The following ATP2C1 variants were observed in gnomAD, a reference collection of about 807,000 sequenced individuals.
ATP2C1 encodes the protein ATPase secretory pathway Ca2+ transporting 1, also known as calcium-transporting ATPase type 2C member 1.
A neutral mutation model predicts 120.5 loss-of-function variants in ATP2C1; 31 were observed. That is an observed-to-expected ratio of 0.26 (90% confidence interval 0.19 to 0.35). The LOEUF is 0.35. Among genes scored for constraint, ATP2C1 ranks in the 10% least tolerant of loss-of-function variants. ATP2C1 has a pLI of 1.00. For synonymous variants in ATP2C1, 351 were observed against 358.7 expected, an observed-to-expected ratio of 0.98 and a Z score of 0.24; for missense variants, 731 against 1,107.5, an observed-to-expected ratio of 0.66 and a Z score of 4.83.
chr3:130,869,670 AC>A (rs1322703907), intron 1 of ATP2C1, among the ~76,000 whole-genome samples: 1 of 152,242 alleles, frequency 6.6e-6, no homozygotes, highest in Non-Finnish European at 1.5e-5. Flanking sequence ...ACAAGACCAA[AC>A]CAGGCATACC....
chr3:130,917,010 A>G (rs2058719240), intron 2 of ATP2C1, among the ~76,000 whole-genome samples: 2 of 152,238 alleles, frequency 1.3e-5, no homozygotes, highest in African/African-American at 4.8e-5. Context: ...GGTTTGACTT[A>G]GGATTTTTCA....
chr3:131,000,366 C>T (rs191400110), intron 27 of ATP2C1, among the ~76,000 whole-genome samples: 2 of 152,050 alleles, frequency 1.3e-5, no homozygotes, highest in Admixed American at 6.5e-5. Context: ...ATTTTAATTC[C>T]ATATTCACAT....
intron 18 of ATP2C1, among the ~76,000 whole-genome samples, chr3:130,977,317 T>A (rs1229162227): frequency 6.6e-6 from 1 of 152,190 alleles, no homozygotes; most frequent in East Asian, 1.9e-4. Flanking sequence ...ATTTATTTTT[T>A]AAAAAGACCG....
chr3:130,914,900 C>G (rs896477180), intron 2 of ATP2C1, among the ~76,000 whole-genome samples: 3 of 152,126 alleles, frequency 2.0e-5, no homozygotes, highest in Non-Finnish European at 4.4e-5. Context: ...TGAGAACCAT[C>G]TGGATATTCT....
At chr3:130,976,251 A>C (rs1166110583) in intron 18 of ATP2C1, among the ~76,000 whole-genome samples, 1 of 152,218 alleles carries the variant, frequency 6.6e-6, no homozygotes, top group African/African-American at 2.4e-5. Context: ...TCACTTAAGC[A>C]AAGGCTTTTT....
chr3:130,959,068 G>A (rs1452934480), intron 11 of ATP2C1, among the ~76,000 whole-genome samples: 1 of 152,102 alleles, frequency 6.6e-6, no homozygotes, highest in Non-Finnish European at 1.5e-5. Context: ...GTGCACACAT[G>A]TACGTATGTG....
At position 130,894,454 on chromosome 3, in the gene ATP2C1, G is replaced by A; in HGVS notation, c.-181+117G>A. On this transcript the variant is annotated intron_variant, in intron 1 of 27. Coordinates refer to ENST00000510168, the MANE Select transcript of ATP2C1 (RefSeq NM_001378687.1). This position sits in a 1 kb window ranked among gnomAD's most constrained non-coding sequence, Gnocchi z 4.5. ...ATCTCTAGGGCGCCGCCCCGCTGGC[G>A]TGAGCTGGGGACGTTGCGGGCACAC... The A allele has an allele frequency of 7.5e-7, 1 of 1,326,648 alleles. No individual in the cohort carries two copies. The highest frequency in any genetic ancestry group is 1.5e-5 in the African/African-American group (1 of 67,426). 82.2% of individuals were successfully genotyped at this position (1,326,648 alleles called of 1,614,324 possible). A position where few individuals can be genotyped will look rare whatever the true frequency, so the allele number is the denominator to read the frequency against.
At chr3:130,890,832 C>T (rs1309788174), upstream of ATP2C1, among the ~76,000 whole-genome samples, 2 of 151,178 alleles carry the variant, frequency 1.3e-5, no homozygotes, top group Admixed American at 6.6e-5. Context: ...TGTCCTTTAT[C>T]TTATAAGAAG....
chr3:130,929,472 A>G (rs187962522), intron 2 of ATP2C1, among the ~76,000 whole-genome samples: 3 of 152,332 alleles, frequency 2.0e-5, no homozygotes, highest in African/African-American at 7.2e-5. Context: ...TAAAAATGTT[A>G]ATTATCCAAG....
At chr3:130,880,148 C>T (rs1311181539) in intron 1 of ATP2C1, among the ~76,000 whole-genome samples, 2 of 152,154 alleles carry the variant, frequency 1.3e-5, no homozygotes, top group Admixed American at 6.5e-5. Flanking sequence ...TTACAGAGTT[C>T]CCTTTACTCA....
At chr3:130,980,488 C>A in intron 19 of ATP2C1, 94 bp from the exon 20 acceptor site, 1 of 852,172 alleles carries the variant, frequency 1.2e-6, no homozygotes, top group Non-Finnish European at 2.0e-6. Context: ...CAAAAGAGAA[C>A]AGATAACAAA....
downstream of ATP2C1, chr3:131,003,177 T>C (rs1379511799): frequency 1.0e-6 from 1 of 979,424 alleles, no homozygotes; most frequent in Non-Finnish European, 1.2e-6. Flanking sequence ...ACTATTAGCA[T>C]TAAAATTATC....
intron 2 of ATP2C1, chr3:130,918,155 G>T: frequency 2.1e-6 from 2 of 938,234 alleles, no homozygotes; most frequent in Non-Finnish European, 3.5e-6. Context: ...AGTTTAGAAA[G>T]ATTATCTGTG....
At chr3:130,958,598 T>C (rs2060683237) in intron 11 of ATP2C1, among the ~76,000 whole-genome samples, 1 of 152,176 alleles carries the variant, frequency 6.6e-6, no homozygotes, top group African/African-American at 2.4e-5. Flanking sequence ...AAACCTCTCG[T>C]GAATCTGTTT....
At chr3:130,879,717 G>A (rs2068722625) in intron 1 of ATP2C1, among the ~76,000 whole-genome samples, 1 of 152,044 alleles carries the variant, frequency 6.6e-6, no homozygotes, top group Non-Finnish European at 1.5e-5. Context: ...TCCTATAGAT[G>A]TATTCATAAT....
intron 17 of ATP2C1, among the ~76,000 whole-genome samples, chr3:130,975,112 C>CT (rs2061485699): frequency 6.6e-6 from 1 of 152,034 alleles, no homozygotes; most frequent in Non-Finnish European, 1.5e-5. Flanking sequence ...ATAGCATTGC[C>CT]TTTTATGTGT....
intron 17 of ATP2C1, among the ~76,000 whole-genome samples, chr3:130,971,311 G>A (rs1247351717): frequency 1.8e-4 from 27 of 152,130 alleles, no homozygotes; most frequent in Non-Finnish European, 1.5e-5. Flanking sequence ...GACAGAAAGT[G>A]GCAGGATATG....
chr3:130,913,186 TG>T (rs1473871511), intron 2 of ATP2C1, among the ~76,000 whole-genome samples: 1 of 150,914 alleles, frequency 6.6e-6, no homozygotes, highest in Non-Finnish European at 1.5e-5. Context: ...GCATGGCACA[TG>T]TATACATATG....
At chr3:130,941,849 C>A in intron 8 of ATP2C1, 150 bp downstream of exon 8, 2 of 697,364 alleles carry the variant, frequency 2.9e-6, no homozygotes, top group Non-Finnish European at 5.0e-6. Flanking sequence ...TTTTTTTTTC[C>A]TTAAAATGTA....
Sources: allele counts gnomAD v4.1 joint callset (sites outside exome capture counted in the v4.1 genomes callset), GRCh38; gene constraint gnomAD v4.1.1; non-coding constraint Gnocchi (gnomAD v3.1); transcripts MANE v1.5; gene names NCBI Gene and HGNC (gene_info 2026-07-23, HGNC 2026-07-21).